APOLD1: variants seen among roughly 807,000 people sequenced by gnomAD.
APOLD1 encodes apolipoprotein L domain-containing protein 1.
APOLD1 carries 22 observed loss-of-function variants against 15.3 expected under a neutral mutation model. That is an observed-to-expected ratio of 1.44 (90% CI 1.03 to 2.05). The LOEUF is 2.05. Ranked by LOEUF, APOLD1 falls within the 30% of genes most tolerant of loss-of-function variation. The pLI is 0.00. For synonymous variants in APOLD1, 190 were observed against 167.4 expected (o/e 1.13, Z -1.04); for missense variants, 394 against 353.5 (o/e 1.11, Z -0.92).
intron 1 of APOLD1, among the ~76,000 whole-genome samples, chr12:12,758,329 G>A (rs984594034): frequency 6.6e-5 from 10 of 151,932 alleles, no homozygotes; most frequent in Non-Finnish European, 1.0e-4. Flanking sequence ...GGTGGATCAC[G>A]AGGTCAGGAG....
chr12:12,739,316 C>G (rs1011962422), intron 1 of APOLD1, among the ~76,000 whole-genome samples: 1 of 152,078 alleles, frequency 6.6e-6, no homozygotes, highest in East Asian at 1.9e-4. Flanking sequence ...CCAGGGAGAT[C>G]GAGAAGATGA....
intron 1 of APOLD1, 38 bp from the exon 2 acceptor site, chr12:12,786,871 G>A: frequency 7.2e-7 from 1 of 1,382,092 alleles, no homozygotes; most frequent in Non-Finnish European, 9.3e-7. Context: ...CGGCTGGCAC[G>A]GAGACTCCAG....
At chr12:12,730,713 AGTT>A (rs1471147136) in intron 1 of APOLD1, among the ~76,000 whole-genome samples, 2 of 68,576 alleles carry the variant, frequency 2.9e-5, no homozygotes, top group Non-Finnish European at 5.1e-5. Flanking sequence ...GAAAGAAAAA[AGTT>A]TTTTTTTTTT....
chr12:12,758,828 T>C (rs1261329073), intron 1 of APOLD1, among the ~76,000 whole-genome samples: 6 of 152,228 alleles, frequency 3.9e-5, no homozygotes, highest in Non-Finnish European at 8.8e-5. Flanking sequence ...ATTTCTTTTC[T>C]TTCCTTATTG....
chr12:12,785,654 G>C, upstream of APOLD1: 1 of 1,614,186 alleles, frequency 6.2e-7, no homozygotes, highest in Non-Finnish European at 8.5e-7. Context: ...TCCAGAAACA[G>C]CCTCAGATTT....
At chr12:12,759,761 C>T (rs1223864438) in intron 1 of APOLD1, among the ~76,000 whole-genome samples, 1 of 152,162 alleles carries the variant, frequency 6.6e-6, no homozygotes, top group Non-Finnish European at 1.5e-5. Context: ...ATGGGCATGG[C>T]CAGAGCCAAC....
intron 1 of APOLD1, among the ~76,000 whole-genome samples, chr12:12,748,113 A>G (rs1348560637): frequency 6.6e-6 from 1 of 152,220 alleles, no homozygotes; most frequent in Non-Finnish European, 1.5e-5. Context: ...CAAGGATTCA[A>G]TTATAGGAGG....
chr12:12,781,809 G>A (rs1276715696), upstream of APOLD1, among the ~76,000 whole-genome samples: 1 of 151,610 alleles, frequency 6.6e-6, no homozygotes, highest in African/African-American at 2.4e-5. Flanking sequence ...TTACAGGCGT[G>A]AGCCACCGCG....
chr12:12,764,765 T>C, intron 1 of APOLD1: 1 of 457,496 alleles, frequency 2.2e-6, no homozygotes, highest in Non-Finnish European at 4.7e-6. Flanking sequence ...CATGGTGTTC[T>C]TCCCCAGGTG....
chr12:12,784,830 T>C (rs377201289), upstream of APOLD1, among the ~76,000 whole-genome samples: 1 of 152,302 alleles, frequency 6.6e-6, no homozygotes, highest in South Asian at 2.1e-4. Flanking sequence ...TACATTCACT[T>C]TTCTGTGCTG....
At chr12:12,731,166 A>C (rs1428915975) in intron 1 of APOLD1, among the ~76,000 whole-genome samples, 1 of 152,116 alleles carries the variant, frequency 6.6e-6, no homozygotes, top group African/African-American at 2.4e-5. Flanking sequence ...CAAACAAACA[A>C]AAAATCAAAT....
intron 1 of APOLD1, among the ~76,000 whole-genome samples, chr12:12,744,429 T>G (rs11837174): frequency 1.2e-4 from 18 of 150,814 alleles, no homozygotes; most frequent in Non-Finnish European, 2.4e-4. Context: ...GCTAACATGG[T>G]GAAACCCCAT....
chr12:12,727,731 T>C (rs937307982), intron 1 of APOLD1, among the ~76,000 whole-genome samples: 1 of 149,892 alleles, frequency 6.7e-6, no homozygotes, highest in African/African-American at 2.5e-5. Flanking sequence ...GCCTCCAGAA[T>C]CACTGCAATT....
At chr12:12,750,780 T>G (rs12320929) in intron 1 of APOLD1, among the ~76,000 whole-genome samples, 84,138 of 151,168 alleles carry the variant, frequency 0.56, 25,186 homozygotes, top group Non-Finnish European at 0.67. Context: ...AACCTTTTTT[T>G]TTTGTTTGTT....
intron 1 of APOLD1, among the ~76,000 whole-genome samples, chr12:12,770,802 C>A (rs1004620670): frequency 2.0e-5 from 3 of 147,370 alleles, no homozygotes; most frequent in African/African-American, 7.4e-5. Flanking sequence ...AAACTCTACA[C>A]CTAGGTATAT....
intron 1 of APOLD1, among the ~76,000 whole-genome samples, chr12:12,766,410 T>A (rs2136389084): frequency 6.6e-6 from 1 of 152,346 alleles, no homozygotes; most frequent in East Asian, 1.9e-4. Flanking sequence ...GTTCCCAAGC[T>A]GCCTACTACA....
intron 1 of APOLD1, among the ~76,000 whole-genome samples, chr12:12,731,910 C>T (rs1275187038): frequency 1.3e-5 from 2 of 152,220 alleles, no homozygotes; most frequent in Admixed American, 6.5e-5. Context: ...AAATCCCTCC[C>T]ATCCAAATAA....
intron 1 of APOLD1, among the ~76,000 whole-genome samples, chr12:12,751,331 G>C (rs78448659): frequency 5.3e-4 from 81 of 152,116 alleles, no homozygotes; most frequent in African/African-American, 1.8e-3. Flanking sequence ...AAAAAACATC[G>C]AGAGAATATT....
At chr12:12,734,566 C>A (rs1946668492) in intron 1 of APOLD1, among the ~76,000 whole-genome samples, 1 of 152,220 alleles carries the variant, frequency 6.6e-6, no homozygotes, top group Admixed American at 6.5e-5. Flanking sequence ...TTCTGGCTTA[C>A]AGCTCTGTGA....
Sources: gnomAD v4.1 joint callset for allele counts (sites outside exome capture counted in the v4.1 genomes callset) on GRCh38, gnomAD v4.1.1 for gene constraint, MANE v1.5 for transcripts, NCBI Gene and HGNC (gene_info 2026-07-23, HGNC 2026-07-21) for gene names.